Variants in RDX observed in about 807,000 individuals in gnomAD.
RDX encodes radixin.
Under a neutral mutation model 83.7 loss-of-function variants are expected in RDX, and 32 were observed. That is an observed-to-expected ratio of 0.38 (90% CI 0.29 to 0.51). RDX has a LOEUF of 0.51. Among genes scored for constraint, RDX ranks in the 20% least tolerant of loss-of-function variants. The pLI is 0.87. For synonymous variants in RDX, 229 were observed against 222.7 expected (o/e 1.03, Z -0.25); for missense variants, 600 against 689.9 (o/e 0.87, Z 1.46).
At chr11:110,233,894 T>C (rs540622487) in intron 12 of RDX, among the ~76,000 whole-genome samples, 4 of 152,368 alleles carry the variant, frequency 2.6e-5, no homozygotes, top group South Asian at 2.1e-4. Flanking sequence ...AACGGAGGAA[T>C]GAGACTGTCG....
chr11:110,223,653 T>C (rs1257349024), intron 14 of RDX, among the ~76,000 whole-genome samples: 2 of 152,152 alleles, frequency 1.3e-5, no homozygotes, highest in Non-Finnish European at 2.9e-5. Context: ...CTAGATTGTA[T>C]TAGGAATTGT....
intron 15 of RDX, among the ~76,000 whole-genome samples, chr11:110,177,259 G>T (rs1261624497): frequency 6.6e-6 from 1 of 152,224 alleles, no homozygotes; most frequent in Non-Finnish European, 1.5e-5. Flanking sequence ...GAACTCCTGT[G>T]GGAAGTGGTG....
intron 1 of RDX, among the ~76,000 whole-genome samples, chr11:110,292,776 G>A (rs955708288): frequency 1.3e-5 from 2 of 152,066 alleles, no homozygotes; most frequent in African/African-American, 4.8e-5. Context: ...AATAAACAAT[G>A]AAGTACCTGT....
intron 15 of RDX, among the ~76,000 whole-genome samples, chr11:110,186,444 G>A (rs952587055): frequency 2.5e-4 from 38 of 151,222 alleles, no homozygotes; most frequent in African/African-American, 8.3e-4. Context: ...TTTTTTCCCC[G>A]CAAGATGGTG....
At chr11:110,276,105 GA>G (rs565755417) in intron 2 of RDX, among the ~76,000 whole-genome samples, 144 of 152,108 alleles carry the variant, frequency 9.5e-4, no homozygotes, top group Admixed American at 3.1e-3. Flanking sequence ...CCATCCTTAA[GA>G]AATCCTTCCA....
rs1017442031 is a variant in RDX, at chr11:110,282,471, A to C, written c.-64-2715T>G. On this transcript the variant is annotated intron_variant, in intron 1 of 13. Coordinates refer to ENST00000645495, the MANE Select transcript of RDX (RefSeq NM_002906.4). ...ATTTGTGGAAATATACCTGAAGAAA[A>C]TATTAACAAATATGTATAATGATAC... is the stretch of plus-strand genomic sequence containing the variant. Among the ~76,000 whole-genome samples the C allele has an allele frequency of 7.2e-5, 11 of 152,318 alleles. No homozygotes were observed. In the South Asian group the frequency reaches 2.3e-3, roughly 32 times the overall value.
chr11:110,234,334 T>C (rs1041177619), intron 12 of RDX, among the ~76,000 whole-genome samples: 10 of 152,124 alleles, frequency 6.6e-5, no homozygotes, highest in South Asian at 4.1e-4. Context: ...TGCCCTCCAT[T>C]AAAAGAGACT....
At chr11:110,279,573 G>C in intron 2 of RDX, 108 bp downstream of exon 2, 3 of 762,986 alleles carry the variant, frequency 3.9e-6, no homozygotes, top group South Asian at 3.0e-5. Flanking sequence ...AGTAGTATCA[G>C]TGCCTTTTTC....
chr11:110,271,458 C>T (rs1272242686), intron 3 of RDX, among the ~76,000 whole-genome samples: 15 of 152,174 alleles, frequency 9.9e-5, no homozygotes, highest in Non-Finnish European at 1.5e-5. Flanking sequence ...CCACCTTCCT[C>T]TGTCTTTGCA....
chr11:110,242,013 G>A (rs2134325234), intron 10 of RDX, among the ~76,000 whole-genome samples: 1 of 152,272 alleles, frequency 6.6e-6, no homozygotes, highest in East Asian at 1.9e-4. Context: ...GGTTGCCAGG[G>A]GTTGTGGGGA....
Position 110,247,690 on chromosome 11 carries a change from A to T in RDX, c.1090+13T>A, listed in dbSNP as rs746985621. The T allele has an allele frequency of 2.1e-5, 34 of 1,609,194 alleles. No homozygotes were observed. The highest frequency in any genetic ancestry group is 2.9e-5 in the Non-Finnish European group (34 of 1,178,910). On this transcript the variant is annotated intron_variant, in intron 10 of 13. Coordinates refer to ENST00000645495, the MANE Select transcript of RDX (RefSeq NM_002906.4). ...AATAATTTTTAATCCATTTTCAAAA[A>T]AGAAACTTTTACCTTTCTGAGCTTT... is the stretch of plus-strand genomic sequence containing the variant.
intron 2 of RDX, among the ~76,000 whole-genome samples, chr11:110,274,214 G>C (rs927049570): frequency 1.3e-5 from 2 of 151,728 alleles, no homozygotes; most frequent in Non-Finnish European, 2.9e-5. Flanking sequence ...ATAATAAAAC[G>C]AAACCCATAA....
chr11:110,194,212 C>G (rs1160343745), intron 15 of RDX, among the ~76,000 whole-genome samples: 1 of 152,178 alleles, frequency 6.6e-6, no homozygotes, highest in African/African-American at 2.4e-5. Flanking sequence ...TTTTTTAATA[C>G]ACAAAAAGTA....
intron 14 of RDX, chr11:110,199,718 A>G: frequency 1.4e-6 from 1 of 702,972 alleles, no homozygotes; most frequent in Middle Eastern, 2.3e-4. Flanking sequence ...AGCATTTAGC[A>G]AAAGAACACA....
chr11:110,274,358 T>C (rs1860426817), intron 2 of RDX, among the ~76,000 whole-genome samples: 1 of 152,240 alleles, frequency 6.6e-6, no homozygotes, highest in Non-Finnish European at 1.5e-5. Flanking sequence ...AAAATGGTTC[T>C]AACGTAAATA....
intron 14 of RDX, among the ~76,000 whole-genome samples, chr11:110,216,212 G>A (rs982121891): frequency 1.3e-5 from 2 of 151,984 alleles, no homozygotes; most frequent in African/African-American, 2.4e-5. Flanking sequence ...TGGACATACC[G>A]CCTTTCTGTC....
At chr11:110,197,319 G>C (rs929450308) in intron 15 of RDX, among the ~76,000 whole-genome samples, 9 of 152,156 alleles carry the variant, frequency 5.9e-5, no homozygotes, top group African/African-American at 2.2e-4. Context: ...AGTGGGAGAC[G>C]GACCAGAACA....
chr11:110,181,413 C>T (rs1418248959), intron 15 of RDX, among the ~76,000 whole-genome samples: 1 of 152,140 alleles, frequency 6.6e-6, no homozygotes, highest in Non-Finnish European at 1.5e-5. Context: ...CTGCCCGCCT[C>T]GGCCTCCCAG....
intron 2 of RDX, among the ~76,000 whole-genome samples, chr11:110,279,026 T>G (rs1045394110): frequency 2.0e-5 from 3 of 152,152 alleles, no homozygotes; most frequent in African/African-American, 7.2e-5. Flanking sequence ...TCAGTATGGG[T>G]AACACTTGCA....
Sources: gnomAD v4.1 joint callset for allele counts (sites outside exome capture counted in the v4.1 genomes callset) on GRCh38, gnomAD v4.1.1 for gene constraint, MANE v1.5 for transcripts, NCBI Gene and HGNC (gene_info 2026-07-23, HGNC 2026-07-21) for gene names.